FSTL1: variants seen among roughly 807,000 people sequenced by gnomAD.
FSTL1 encodes follistatin like 1.
In FSTL1, 24 loss-of-function variants were observed where a neutral mutation model predicts 45.9. The observed-to-expected ratio is 0.52, with a 90% CI of 0.38 to 0.74. The LOEUF (loss-of-function observed/expected upper bound fraction) is 0.74, where lower values mean the gene tolerates loss of function less well. Ranked by LOEUF, FSTL1 falls within the 30% of genes least tolerant of loss-of-function variation. FSTL1 has a pLI of 0.00. For missense variants in FSTL1, 340 were observed against 381.8 expected, an observed-to-expected ratio of 0.89 and a Z score of 0.91; for synonymous variants, 120 against 137.6, an observed-to-expected ratio of 0.87 and a Z score of 0.89.
In FSTL1 at chr3:120,409,609, G is replaced by T; in HGVS notation, c.385C>A (p.Leu129Met). 6.2e-7 allele frequency: 1 copy of T among 1,613,798 alleles called. No homozygotes were observed. The highest frequency in any genetic ancestry group is 8.5e-7 in the Non-Finnish European group (1 of 1,179,662). The change falls in exon 6 of 11, where the codon CTG becomes ATG. Residue 129 changes from leucine (L) to methionine (M), a missense_variant. Leu to Met is a conservative substitution (Grantham distance 15). Coordinates refer to ENST00000295633, the MANE Select transcript of FSTL1 (RefSeq NM_007085.5). ...CCATCTGGAATGATCTCAGCTTCCAGCCACTGGATGATGCGACGTCGGAGC... is the reference window on the plus strand; with the variant it reads ...CCATCTGGAATGATCTCAGCTTCCATCCACTGGATGATGCGACGTCGGAGC... ...DELRRRIIQWLEAEIIPDGWF... is the reference protein window; with the variant it reads ...DELRRRIIQWMEAEIIPDGWF...
chr3:120,413,588 A>C (rs551597954), intron 3 of FSTL1, among the ~76,000 whole-genome samples: 15 of 152,088 alleles, frequency 9.9e-5, no homozygotes, highest in Non-Finnish European at 2.2e-4. Context: ...CAGGATCCTT[A>C]ACCTGGGGAC....
At chr3:120,402,372 T>C (rs1185080268) in intron 9 of FSTL1, among the ~76,000 whole-genome samples, 1 of 152,120 alleles carries the variant, frequency 6.6e-6, no homozygotes, top group Non-Finnish European at 1.5e-5. Context: ...GGCACATGGT[T>C]TTTGCTGAGT....
intron 2 of FSTL1, among the ~76,000 whole-genome samples, chr3:120,418,864 A>G (rs1576217714): frequency 6.6e-6 from 1 of 152,134 alleles, no homozygotes; most frequent in African/African-American, 2.4e-5. Flanking sequence ...ACAGTGGGCA[A>G]TTTATTTTCA....
At position 120,393,670 on chromosome 3, in the gene FSTL1, G is replaced by A. The variant is rs1472430122; in HGVS notation, c.*3282C>T. The A allele has an allele frequency of 6.6e-6, 1 of 152,110 alleles. No homozygotes were observed. Among genetic ancestry groups the A allele is most frequent in the East Asian group, 1.9e-4 (1 of 5,188 alleles). The allele number at this position is 152,110 out of a possible 1,614,324, so 9.4% of individuals were successfully genotyped here. ...TTAATTTAATGTCTTCCCAATACAG[G>A]AATGCACCTGCTATGGTTTGAATGT... On this transcript the variant is annotated 3_prime_UTR_variant, in exon 11 of 11. Coordinates refer to ENST00000295633, the MANE Select transcript of FSTL1 (RefSeq NM_007085.5).
intron 6 of FSTL1, among the ~76,000 whole-genome samples, chr3:120,406,051 C>A (rs1285506717): frequency 6.6e-6 from 1 of 152,038 alleles, no homozygotes; most frequent in Admixed American, 6.5e-5. Flanking sequence ...GAAGATGTAG[C>A]TAACAACTCT....
At chr3:120,425,086 A>C (rs1937353960) in intron 2 of FSTL1, among the ~76,000 whole-genome samples, 1 of 152,178 alleles carries the variant, frequency 6.6e-6, no homozygotes, top group African/African-American at 2.4e-5. Flanking sequence ...GTCTCTGTGC[A>C]AATCAGAAAA....
intron 7 of FSTL1, 56 bp from the exon 8 acceptor site, chr3:120,403,410 AAGGAAGTAAGCATC>A: frequency 9.2e-7 from 1 of 1,087,064 alleles, no homozygotes; most frequent in African/African-American, 1.5e-5. Flanking sequence ...GCTCAGAAGA[AAGGAAGTAAGCATC>A]AGGACCACAT....
intron 3 of FSTL1, among the ~76,000 whole-genome samples, chr3:120,413,776 A>T (rs1576214683): frequency 2.8e-5 from 1 of 35,936 alleles, no homozygotes; most frequent in Non-Finnish European, 5.6e-5. Flanking sequence ...TAAAAAAAAA[A>T]CTCCCTCTCC....
At chr3:120,428,646 A>G (rs1937425356) in intron 2 of FSTL1, among the ~76,000 whole-genome samples, 1 of 152,168 alleles carries the variant, frequency 6.6e-6, no homozygotes, top group African/African-American at 2.4e-5. Context: ...AGGCACGAGA[A>G]TCGCTTGAAC....
chr3:120,420,391 T>C (rs1212709823), intron 2 of FSTL1, among the ~76,000 whole-genome samples: 4 of 152,204 alleles, frequency 2.6e-5, no homozygotes, highest in Admixed American at 2.6e-4. Context: ...TTTGGAAGTG[T>C]GGACACTCAG....
intron 2 of FSTL1, among the ~76,000 whole-genome samples, chr3:120,443,307 T>C (rs960374412): frequency 2.0e-5 from 3 of 149,340 alleles, no homozygotes; most frequent in Non-Finnish European, 4.4e-5. Context: ...GCCTTACATC[T>C]GACCCCTAAT....
Position 120,450,678 on chromosome 3 carries a change from G to T in FSTL1, c.63+6C>A, listed in dbSNP as rs1470808426. On this transcript the variant is annotated splice_donor_region_variant and intron_variant, in intron 2 of 10. Coordinates refer to ENST00000295633, the MANE Select transcript of FSTL1 (RefSeq NM_007085.5). ...CCGAGTTCGGACTCCTCGGCCCCTC[G>T]CCTACCTCGGCGCGGACCCAGGCGA... is the stretch of plus-strand genomic sequence containing the variant. The T allele has an allele frequency of 5.2e-6, 8 of 1,525,290 alleles. No individual in the cohort carries two copies. The East Asian group carries it at 2.1e-4, about 40-fold the overall frequency. 94.5% of individuals were successfully genotyped at this position (1,525,290 alleles called of 1,614,324 possible).
chr3:120,440,773 G>A (rs1163765142), intron 2 of FSTL1, among the ~76,000 whole-genome samples: 1 of 152,224 alleles, frequency 6.6e-6, no homozygotes, highest in African/African-American at 2.4e-5. Flanking sequence ...TAATGTGAAC[G>A]TGGTGGTTCG....
rs190562927 is a variant in FSTL1 at position 120,446,625 on chromosome 3, A to G, written c.63+4059T>C. Among the ~76,000 whole-genome samples the G allele has an allele frequency of 2.0e-3, 305 of 152,358 alleles. 1 individual carries two copies. The highest frequency in any genetic ancestry group is 3.7e-3 in the Non-Finnish European group (250 of 68,038). The stretch of plus-strand genomic sequence containing the variant: ...AGATCTTTTTAGCTTTGTTAATAAT[A>G]CAAGTTGTGGCACCAAGAAGATGCA... On this transcript the variant is annotated intron_variant, in intron 2 of 10. Transcript: ENST00000295633.
At chr3:120,435,781 C>T (rs1937542466) in intron 2 of FSTL1, among the ~76,000 whole-genome samples, 1 of 152,166 alleles carries the variant, frequency 6.6e-6, no homozygotes, top group African/African-American at 2.4e-5. Flanking sequence ...GCCATTTACA[C>T]TGGGCAAAAT....
At chr3:120,447,151 T>C (rs1051277148) in intron 2 of FSTL1, among the ~76,000 whole-genome samples, 2 of 152,118 alleles carry the variant, frequency 1.3e-5, no homozygotes, top group African/African-American at 4.8e-5. Flanking sequence ...TGACTGAGCT[T>C]CAAGGGCACA....
chr3:120,442,788 G>GAAAAAAA (rs749297340), intron 2 of FSTL1, among the ~76,000 whole-genome samples: 10 of 53,248 alleles, frequency 1.9e-4, no homozygotes, highest in South Asian at 7.3e-4. Flanking sequence ...TCTCAAAAAA[G>GAAAAAAA]AAAAAAAAAA....
At chr3:120,444,289 A>G (rs1937689758) in intron 2 of FSTL1, among the ~76,000 whole-genome samples, 1 of 149,892 alleles carries the variant, frequency 6.7e-6, no homozygotes, top group South Asian at 2.1e-4. Context: ...GGACTGATTT[A>G]CCATCCAGCA....
At chr3:120,421,292 G>A (rs1459680260) in intron 2 of FSTL1, 1 of 152,186 alleles carries the variant, frequency 6.6e-6, no homozygotes, top group Non-Finnish European at 1.5e-5. Context: ...TTATGCCAAG[G>A]TGGAATTTTG....
Sources: gnomAD v4.1 joint callset for allele counts (sites outside exome capture counted in the v4.1 genomes callset) on GRCh38, gnomAD v4.1.1 for gene constraint, MANE v1.5 for transcripts, NCBI Gene and HGNC (gene_info 2026-07-23, HGNC 2026-07-21) for gene names.